The following CEP89 variants were observed in gnomAD, a reference collection of about 807,000 sequenced individuals.
CEP89 encodes centrosomal protein of 89 kDa.
Under a neutral mutation model 97.6 loss-of-function variants are expected in CEP89, and 95 were observed. That is an observed-to-expected ratio of 0.97 (90% CI 0.82 to 1.15). The LOEUF (loss-of-function observed/expected upper bound fraction) is 1.15. CEP89 is among the 50% of genes most tolerant of loss of function. The pLI is 0.00. For synonymous variants in CEP89, 354 were observed against 349.1 expected, an observed-to-expected ratio of 1.01 and a Z score of -0.16; for missense variants, 869 against 947.7, an observed-to-expected ratio of 0.92 and a Z score of 1.09.
At chr19:32,929,525 C>A (rs1276386371) in intron 9 of CEP89, among the ~76,000 whole-genome samples, 1 of 152,028 alleles carries the variant, frequency 6.6e-6, no homozygotes, top group African/African-American at 2.4e-5. Flanking sequence ...TCACTTGAAC[C>A]CGGGAGGTAG....
At chr19:32,924,297 C>A (rs1193909859) in intron 11 of CEP89, among the ~76,000 whole-genome samples, 6 of 152,174 alleles carry the variant, frequency 3.9e-5, no homozygotes, top group Non-Finnish European at 7.3e-5. Flanking sequence ...CCAGCCAAGG[C>A]TCTTAGTTTT....
In CEP89 at chr19:32,916,923, G is replaced by T. The variant is rs376507715; in HGVS notation, c.1384+1301C>A. On this transcript the variant is annotated intron_variant, in intron 13 of 18. Transcript: ENST00000305768. Reference sequence around the variant, plus strand: ...CCCGGGAGGTTGAGGCAGGAGAATCGCTGGAACCTGGCAGGCGGAAGTTGC... The same window carrying T: ...CCCGGGAGGTTGAGGCAGGAGAATCTCTGGAACCTGGCAGGCGGAAGTTGC... Among the ~76,000 whole-genome samples the T allele has an allele frequency of 1.1e-4, 16 of 152,186 alleles. No individual in the cohort carries two copies. The East Asian group carries it at 2.7e-3, about 26-fold the overall frequency.
At position 32,966,959 on chromosome 19, in the gene CEP89, G is replaced by A. The variant is rs112837473; in HGVS notation, c.40-493C>T. On this transcript the variant is annotated intron_variant, in intron 1 of 18. Coordinates refer to ENST00000305768, the MANE Select transcript of CEP89 (RefSeq NM_032816.5). Reference sequence around the variant, plus strand: ...TCCCGCTTCAGCCACACGAGTAGACGGGACTACAGATGTTCACCACCATGC... The same window carrying A: ...TCCCGCTTCAGCCACACGAGTAGACAGGACTACAGATGTTCACCACCATGC... Among the ~76,000 whole-genome samples the A allele has an allele frequency of 7.7e-3, 1,179 of 152,188 alleles. 16 individuals are homozygous for A. Among genetic ancestry groups the A allele is most frequent in the African/African-American group, 0.027 (1,116 of 41,522 alleles).
chr19:32,921,855 A>G lies in CEP89; in HGVS notation c.1268+1584T>C, dbSNP rs1970256424. Among the ~76,000 whole-genome samples, 3 of 152,220 alleles carry G rather than the reference A, an allele frequency of 2.0e-5. No individual in the cohort carries two copies. The South Asian group carries it at 6.2e-4, about 31-fold the overall frequency. On this transcript the variant is annotated intron_variant, in intron 12 of 18. Coordinates refer to ENST00000305768, the MANE Select transcript of CEP89 (RefSeq NM_032816.5). ...CTGACGCATCGGTGACCACAAAATC[A>G]GGGAGAGCCAATGGTAAGAATGCTG...
chr19:32,915,151 C>T (rs1276948205), intron 14 of CEP89, among the ~76,000 whole-genome samples, 186 bp downstream of exon 14: 1 of 152,052 alleles, frequency 6.6e-6, no homozygotes, highest in Non-Finnish European at 1.5e-5. Flanking sequence ...CAGAGTGACT[C>T]ATTATACTCA....
At chr19:32,906,479 CTTTTAA>C (rs1304723345) in intron 14 of CEP89, among the ~76,000 whole-genome samples, 1 of 151,994 alleles carries the variant, frequency 6.6e-6, no homozygotes, top group Non-Finnish European at 1.5e-5. Flanking sequence ...ATTGTTGTGC[CTTTTAA>C]TTTTATGTAT....
chr19:32,896,912 G>GA (rs1158880601), intron 16 of CEP89, among the ~76,000 whole-genome samples: 1 of 151,508 alleles, frequency 6.6e-6, no homozygotes, highest in Non-Finnish European at 1.5e-5. Context: ...ACAGGCATAT[G>GA]AAAAAAATGC....
rs573802451 is a variant in CEP89 at position 32,955,109 on chromosome 19, C to T, written c.306-1308G>A. Among the ~76,000 whole-genome samples, 8 of 152,048 alleles carry T rather than the reference C, an allele frequency of 5.3e-5. No homozygotes were observed. In the South Asian group the frequency reaches 1.2e-3, roughly 24 times the overall value. ...AAGTGATCCTCCTACCTCAGCCTCC[C>T]GAGTAGCTGGGACTAGAGATGCACT... On this transcript the variant is annotated intron_variant, in intron 3 of 18. Coordinates refer to ENST00000305768, the MANE Select transcript of CEP89 (RefSeq NM_032816.5).
At chr19:32,928,136 G>A (rs186041564) in intron 9 of CEP89, among the ~76,000 whole-genome samples, 2 of 151,726 alleles carry the variant, frequency 1.3e-5, no homozygotes, top group Non-Finnish European at 1.5e-5. Context: ...GGCTGGTCTC[G>A]AACTCCTGAC....
chr19:32,940,271 T>C (rs1277425129), intron 5 of CEP89, among the ~76,000 whole-genome samples: 631 of 38,374 alleles, frequency 0.016, 1 homozygote, highest in Middle Eastern at 0.019. Flanking sequence ...CATCACGCTC[T>C]ATACATCTTC....
intron 18 of CEP89, among the ~76,000 whole-genome samples, chr19:32,881,065 G>A (rs991565073): frequency 6.6e-6 from 1 of 152,114 alleles, no homozygotes; most frequent in Non-Finnish European, 1.5e-5. Flanking sequence ...CCACCGGCCT[G>A]CTCTCAAATG....
At chr19:32,927,675 G>A (rs1970389898) in intron 9 of CEP89, among the ~76,000 whole-genome samples, 1 of 151,930 alleles carries the variant, frequency 6.6e-6, no homozygotes, top group Non-Finnish European at 1.5e-5. Flanking sequence ...TGAGATCATG[G>A]CTCACTGCAA....
At chr19:32,913,199 A>G (rs1016082137) in intron 14 of CEP89, among the ~76,000 whole-genome samples, 1 of 149,542 alleles carries the variant, frequency 6.7e-6, no homozygotes, top group African/African-American at 2.4e-5. Context: ...ATACATAATT[A>G]TCATATATAC....
At chr19:32,893,686 T>C (rs929944030) in intron 16 of CEP89, among the ~76,000 whole-genome samples, 2 of 152,166 alleles carry the variant, frequency 1.3e-5, no homozygotes, top group Non-Finnish European at 2.9e-5. Context: ...TCTCAGACCA[T>C]GGTAGACTAA....
chr19:32,939,926 A>G, intron 5 of CEP89, 41 bp from the exon 6 acceptor site: 2 of 932,488 alleles, frequency 2.1e-6, no homozygotes, highest in Non-Finnish European at 3.4e-6. Flanking sequence ...TTTAAAGTAG[A>G]TAATGAAATA....
At chr19:32,904,467 G>A (rs1599725989) in intron 14 of CEP89, among the ~76,000 whole-genome samples, 1 of 152,260 alleles carries the variant, frequency 6.6e-6, no homozygotes, top group South Asian at 2.1e-4. Flanking sequence ...CCCAACGGAA[G>A]TACTGTAAAT....
chr19:32,921,213 C>T (rs1247777541), intron 12 of CEP89, among the ~76,000 whole-genome samples: 3 of 140,776 alleles, frequency 2.1e-5, no homozygotes, highest in East Asian at 2.3e-4. Context: ...CAGAGCAAGA[C>T]TCTGTCTCAA....
intron 5 of CEP89, among the ~76,000 whole-genome samples, chr19:32,942,977 A>G (rs902482874): frequency 2.0e-5 from 3 of 149,256 alleles, no homozygotes; most frequent in East Asian, 2.0e-4. Flanking sequence ...TCCAGCTGCC[A>G]GGCTCAGATG....
At chr19:32,916,080 C>A (rs1045941426) in intron 13 of CEP89, among the ~76,000 whole-genome samples, 4 of 151,934 alleles carry the variant, frequency 2.6e-5, no homozygotes, top group African/African-American at 7.3e-5. Flanking sequence ...AGTTTGAGAC[C>A]AGCCTGGGTA....
Sources: gnomAD v4.1 joint callset for allele counts (sites outside exome capture counted in the v4.1 genomes callset) on GRCh38, gnomAD v4.1.1 for gene constraint, MANE v1.5 for transcripts, NCBI Gene and HGNC (gene_info 2026-07-23, HGNC 2026-07-21) for gene names.